The following KHDRBS3 variants were observed in gnomAD, a reference collection of about 807,000 sequenced individuals.
KHDRBS3 encodes the protein KH domain-containing, RNA-binding, signal transduction-associated protein 3.
A neutral mutation model predicts 45.6 loss-of-function variants in KHDRBS3; 23 were observed. The observed-to-expected ratio is 0.50, with a 90% CI of 0.36 to 0.72. The LOEUF is 0.72. KHDRBS3 is among the 30% of genes least tolerant of loss of function. KHDRBS3 has a pLI of 0.00. For synonymous variants in KHDRBS3, 162 were observed against 156.5 expected (o/e 1.04, Z -0.26); for missense variants, 352 against 424.8 (o/e 0.83, Z 1.51).
intron 4 of KHDRBS3, among the ~76,000 whole-genome samples, chr8:135,550,170 A>G (rs1357028873): frequency 1.3e-5 from 2 of 152,172 alleles, no homozygotes; most frequent in East Asian, 1.9e-4. Context: ...TGGACCAGGC[A>G]GTGCAGATCT....
chr8:135,639,884 C>A (rs1429755681), intron 7 of KHDRBS3, among the ~76,000 whole-genome samples: 1 of 152,198 alleles, frequency 6.6e-6, no homozygotes, highest in Non-Finnish European at 1.5e-5. Context: ...CACCAGGCCC[C>A]ACCTCCAACA....
chr8:135,653,600 G>A (rs1259589867), intron 4 of KHDRBS3, among the ~76,000 whole-genome samples: 1 of 152,178 alleles, frequency 6.6e-6, no homozygotes, highest in East Asian at 1.9e-4. Context: ...TTTGAGTACA[G>A]CATTCAAAAA....
At chr8:135,564,301 A>G (rs943006793) in intron 5 of KHDRBS3, among the ~76,000 whole-genome samples, 2 of 152,172 alleles carry the variant, frequency 1.3e-5, no homozygotes, top group Admixed American at 1.3e-4. Flanking sequence ...TGAGAGTGAC[A>G]GTGTCCCATC....
At chr8:135,625,741 C>G in intron 7 of KHDRBS3, 1 of 760,204 alleles carries the variant, frequency 1.3e-6, no homozygotes, top group Non-Finnish European at 2.4e-6. Flanking sequence ...CTCTTAAAAC[C>G]TACTGGTAGT....
intron 1 of KHDRBS3, among the ~76,000 whole-genome samples, chr8:135,464,700 G>T (rs777142611): frequency 6.6e-6 from 1 of 152,148 alleles, no homozygotes; most frequent in Non-Finnish European, 1.5e-5. Context: ...TCTGGTTTAC[G>T]TGCTTTATGT....
intron 1 of KHDRBS3, among the ~76,000 whole-genome samples, chr8:135,467,678 T>A (rs1422034013): frequency 1.3e-5 from 2 of 152,280 alleles, no homozygotes; most frequent in African/African-American, 4.8e-5. Flanking sequence ...GAGGTGATGG[T>A]AGGTCCCTCT....
intron 5 of KHDRBS3, among the ~76,000 whole-genome samples, 183 bp downstream of exon 5, chr8:135,557,770 G>T (rs149183241): frequency 6.6e-6 from 1 of 152,148 alleles, no homozygotes; most frequent in African/African-American, 2.4e-5. Flanking sequence ...GGTATGCTAC[G>T]ATAGTGCCTG....
chr8:135,469,170 T>C (rs1821849300), intron 1 of KHDRBS3, among the ~76,000 whole-genome samples: 1 of 152,274 alleles, frequency 6.6e-6, no homozygotes, highest in African/African-American at 2.4e-5. Context: ...ACTGTGTTTC[T>C]TCACAGTTTT....
intron 2 of KHDRBS3, among the ~76,000 whole-genome samples, chr8:135,529,454 A>G (rs1012678155): frequency 6.6e-6 from 1 of 152,246 alleles, no homozygotes; most frequent in Non-Finnish European, 1.5e-5. Context: ...TGAGGCAGAA[A>G]GCAACACTTG....
chr8:135,548,869 C>G lies in KHDRBS3; in HGVS notation c.440C>G (p.Ala147Gly). 1 of 1,594,454 alleles carries G rather than the reference C, an allele frequency of 6.3e-7. No homozygotes were observed. The highest frequency in any genetic ancestry group is 8.5e-7 in the Non-Finnish European group (1 of 1,171,786). The change falls in exon 4 of 9, where the codon GCT (alanine) becomes GGT (glycine). Residue 147 changes from alanine (A) to glycine (G), a missense_variant. This residue lies in a region of KHDRBS3 where 46 missense variants were observed against 45.9 expected (regional missense o/e 1.00). Coordinates refer to ENST00000355849, the MANE Select transcript of KHDRBS3 (RefSeq NM_006558.3). ...PAEAYARMGH[A>G]LEEIKKFLIP... ...GAAGCTTATGCCAGGATGGGACATG[C>G]TTTGGAAGAAATCAAAAAGTTCCTC...
chr8:135,621,040 T>G (rs990257348), intron 7 of KHDRBS3, among the ~76,000 whole-genome samples: 2 of 151,318 alleles, frequency 1.3e-5, no homozygotes, highest in African/African-American at 4.9e-5. Flanking sequence ...AGAAACCCAG[T>G]AAGAAATCTT....
intron 7 of KHDRBS3, among the ~76,000 whole-genome samples, chr8:135,632,813 C>T (rs894892074): frequency 1.3e-5 from 2 of 152,148 alleles, no homozygotes; most frequent in African/African-American, 4.8e-5. Flanking sequence ...CCCTTGTCCT[C>T]TCTGCTCCAA....
At chr8:135,481,419 T>C (rs1002516057) in intron 1 of KHDRBS3, among the ~76,000 whole-genome samples, 40 of 149,880 alleles carry the variant, frequency 2.7e-4, no homozygotes, top group African/African-American at 9.5e-4. Context: ...ACTTCTGATC[T>C]CTTAGAGCAC....
intron 1 of KHDRBS3, among the ~76,000 whole-genome samples, chr8:135,494,270 C>CTTTTTTTTTTTTTTTT: frequency 8.4e-6 from 1 of 118,812 alleles, no homozygotes; most frequent in South Asian, 2.5e-4. Flanking sequence ...TTCTGTTTCT[C>CTTTTTTTTTTTTTTTT]TTATTTTTTT....
chr8:135,509,076 A>G (rs1824146896), intron 1 of KHDRBS3, among the ~76,000 whole-genome samples: 2 of 152,210 alleles, frequency 1.3e-5, no homozygotes, highest in Non-Finnish European at 1.5e-5. Context: ...ATAGCATGAT[A>G]TAATTTAGTT....
chr8:135,498,760 TA>T (rs1205337788), intron 1 of KHDRBS3, among the ~76,000 whole-genome samples: 1 of 152,230 alleles, frequency 6.6e-6, no homozygotes, highest in Non-Finnish European at 1.5e-5. Flanking sequence ...TTTAGTCATC[TA>T]AAATACGTTA....
At chr8:135,649,096 G>A (rs913703681), downstream of KHDRBS3, among the ~76,000 whole-genome samples, 3 of 152,062 alleles carry the variant, frequency 2.0e-5, no homozygotes, top group Admixed American at 6.5e-5. Context: ...ATTATAAAAT[G>A]TATTTTATAA....
intron 7 of KHDRBS3, among the ~76,000 whole-genome samples, chr8:135,618,773 G>A (rs1373763617): frequency 6.6e-6 from 1 of 152,156 alleles, no homozygotes; most frequent in Admixed American, 6.5e-5. Context: ...CGCTGTGTAT[G>A]TGATCTTTCA....
At chr8:135,496,247 T>G (rs1181059212) in intron 1 of KHDRBS3, among the ~76,000 whole-genome samples, 1 of 151,736 alleles carries the variant, frequency 6.6e-6, no homozygotes, top group African/African-American at 2.4e-5. Flanking sequence ...AAGCATTTTT[T>G]TTTGAGACAG....
Sources: gnomAD v4.1 joint callset for allele counts (sites outside exome capture counted in the v4.1 genomes callset) on GRCh38, gnomAD v4.1.1 for gene constraint, gnomAD v4.1.1 regional missense constraint, MANE v1.5 for transcripts, NCBI Gene and HGNC (gene_info 2026-07-23, HGNC 2026-07-21) for gene names.